TXNRD1: variants seen among roughly 807,000 people sequenced by gnomAD.
The protein encoded by TXNRD1 is thioredoxin reductase 1, cytoplasmic.
Under a neutral mutation model 80.3 loss-of-function variants are expected in TXNRD1, and 57 were observed. The ratio of observed to expected loss-of-function variants is 0.71; its 90% CI spans 0.57 to 0.89. The LOEUF is 0.89. TXNRD1 is among the 40% of genes least tolerant of loss of function. TXNRD1 has a pLI of 0.00. For synonymous variants in TXNRD1, 291 were observed against 285.2 expected (o/e 1.02, Z -0.20); for missense variants, 730 against 803.0 (o/e 0.91, Z 1.10).
intron 10 of TXNRD1, among the ~76,000 whole-genome samples, chr12:104,322,317 C>T (rs1388975029): frequency 6.6e-6 from 1 of 150,734 alleles, no homozygotes; most frequent in African/African-American, 2.4e-5. Context: ...AAGATTAAGG[C>T]ACAAATTTCC....
chr12:104,321,931 A>G (rs4595619), intron 10 of TXNRD1, among the ~76,000 whole-genome samples: 71,655 of 151,908 alleles, frequency 0.47, 17,643 homozygotes, highest in East Asian at 0.62. Flanking sequence ...AGACTAATAG[A>G]TAATTTTCTC....
chr12:104,262,212 A>T (rs1320846209), intron 3 of TXNRD1: 1 of 149,168 alleles, frequency 6.7e-6, no homozygotes, highest in African/African-American at 2.5e-5. Flanking sequence ...AGCCTGGGCA[A>T]CAAGAGCAAG....
rs1202444693 is a variant in TXNRD1 at position 104,323,088 on chromosome 12, C to T, written c.1215+1772C>T. Among the ~76,000 whole-genome samples, 356 of 118,532 alleles carry T rather than the reference C, an allele frequency of 3.0e-3. 3 individuals are homozygous for T. Among genetic ancestry groups the T allele is most frequent in the African/African-American group, 0.011 (327 of 28,944 alleles). 77.8% of individuals were successfully genotyped at this position (118,532 alleles called of 152,430 possible). A position where few individuals can be genotyped will look rare whatever the true frequency, so the allele number is the denominator to read the frequency against. ...TAATCCATTTAACCCTGAGTGGACA[C>T]AGCACATGTTTCAGAGAGCACAGGG... On this transcript the variant is annotated intron_variant, in intron 10 of 16. Coordinates refer to ENST00000525566, the MANE Select transcript of TXNRD1 (RefSeq NM_001093771.3).
At chr12:104,254,644 A>AAAAAAAAAATATATATATATAT in intron 2 of TXNRD1, among the ~76,000 whole-genome samples, 3 of 93,650 alleles carry the variant, frequency 3.2e-5, no homozygotes, top group Admixed American at 1.3e-4. Context: ...AAAAAAAAAA[A>AAAAAAAAAATATATATATATAT]ATATATATAT....
intron 16 of TXNRD1, among the ~76,000 whole-genome samples, chr12:104,342,982 A>G (rs1191712473): frequency 6.6e-6 from 1 of 152,168 alleles, no homozygotes; most frequent in African/African-American, 2.4e-5. Context: ...AGTACTTGGC[A>G]GCTGGCTGGG....
At chr12:104,247,314 T>C (rs7958851) in intron 1 of TXNRD1, among the ~76,000 whole-genome samples, 126,184 of 152,098 alleles carry the variant, frequency 0.83, 52,431 homozygotes, top group East Asian at 0.89. Flanking sequence ...GCAATCTGCC[T>C]GCCTTAGCCT....
chr12:104,333,624 G>T (rs545620206), intron 14 of TXNRD1, among the ~76,000 whole-genome samples: 1 of 151,992 alleles, frequency 6.6e-6, no homozygotes, highest in African/African-American at 2.4e-5. Context: ...GTTTTGAACT[G>T]AGGCTAGCAG....
At chr12:104,230,902 T>A (rs1330855899) in intron 1 of TXNRD1, among the ~76,000 whole-genome samples, 1 of 152,134 alleles carries the variant, frequency 6.6e-6, no homozygotes, top group Non-Finnish European at 1.5e-5. Flanking sequence ...CCTTTTAATA[T>A]GCAAATGCAG....
chr12:104,236,570 A>C (rs1371029660), intron 1 of TXNRD1, among the ~76,000 whole-genome samples: 2 of 152,116 alleles, frequency 1.3e-5, no homozygotes, highest in Non-Finnish European at 2.9e-5. Context: ...TGGGAGGATC[A>C]CCTGAGGTCG....
intron 13 of TXNRD1, among the ~76,000 whole-genome samples, chr12:104,330,413 T>G (rs1487852213): frequency 3.3e-5 from 5 of 152,214 alleles, no homozygotes; most frequent in Non-Finnish European, 2.9e-5. Flanking sequence ...CAAGTTCATT[T>G]GACTATGGAA....
At chr12:104,249,377 T>C (rs542054079) in intron 1 of TXNRD1, among the ~76,000 whole-genome samples, 1 of 152,308 alleles carries the variant, frequency 6.6e-6, no homozygotes, top group Non-Finnish European at 1.5e-5. Flanking sequence ...TTTAGAGGTA[T>C]AGAAGCATTC....
At chr12:104,323,860 A>G (rs2035656554) in intron 10 of TXNRD1, among the ~76,000 whole-genome samples, 1 of 151,622 alleles carries the variant, frequency 6.6e-6, no homozygotes, top group Admixed American at 6.6e-5. Context: ...ATTTTTTAAC[A>G]TTTGGGGAGT....
intron 4 of TXNRD1, chr12:104,304,014 T>C (rs202006648): frequency 4.3e-6 from 7 of 1,611,972 alleles, no homozygotes; most frequent in Admixed American, 1.7e-5. Flanking sequence ...GACCCAAAGC[T>C]CCTGGAGCTC....
chr12:104,290,914 T>C (rs1262841557), intron 4 of TXNRD1: 34 of 588,118 alleles, frequency 5.8e-5, no homozygotes, highest in Non-Finnish European at 9.8e-5. Context: ...TTTATAAGCT[T>C]TGGAACTCAC....
intron 1 of TXNRD1, among the ~76,000 whole-genome samples, chr12:104,244,064 CTG>C (rs1429481968): frequency 6.6e-6 from 1 of 152,202 alleles, no homozygotes; most frequent in African/African-American, 2.4e-5. Flanking sequence ...TGATGTTCCT[CTG>C]TTGTCAAACT....
chr12:104,331,818 C>CTGTG lies in TXNRD1; in HGVS notation c.1650+193_1650+196dup, dbSNP rs35676546. Among the ~76,000 whole-genome samples, 1,445 of 150,452 alleles carry CTGTG rather than the reference C, an allele frequency of 9.6e-3. 25 individuals are homozygous for CTGTG. Among genetic ancestry groups the CTGTG allele is most frequent in the African/African-American group, 0.032 (1,320 of 41,076 alleles). On this transcript the variant is annotated intron_variant, in intron 14 of 16. Transcript: ENST00000525566. The stretch of plus-strand genomic sequence containing the variant: ...TATACACTTTTAGTAGTCTCTCATT[C>CTGTG]TGTGTGTGTGTGTGTGTGTTTCTGT...
At chr12:104,347,562 C>G (rs1198659773) in intron 16 of TXNRD1, among the ~76,000 whole-genome samples, 2 of 152,138 alleles carry the variant, frequency 1.3e-5, no homozygotes, top group Non-Finnish European at 2.9e-5. Context: ...CAAAGTTTCA[C>G]CTGCCCTCTG....
At chr12:104,335,206 T>C (rs977636947) in intron 15 of TXNRD1, among the ~76,000 whole-genome samples, 4 of 150,048 alleles carry the variant, frequency 2.7e-5, no homozygotes, top group Non-Finnish European at 3.0e-5. Flanking sequence ...AGTCCTTTTT[T>C]TTTTTTTTTT....
intron 15 of TXNRD1, among the ~76,000 whole-genome samples, chr12:104,338,667 A>G (rs1048748983): frequency 4.0e-5 from 6 of 151,184 alleles, no homozygotes; most frequent in African/African-American, 7.3e-5. Context: ...ATTGCACTCC[A>G]GCCTGGGCAA....
Sources: gnomAD v4.1 joint callset for allele counts (sites outside exome capture counted in the v4.1 genomes callset) on GRCh38, gnomAD v4.1.1 for gene constraint, MANE v1.5 for transcripts, NCBI Gene and HGNC (gene_info 2026-07-23, HGNC 2026-07-21) for gene names.